Variants in TNFRSF25 observed in about 807,000 individuals in gnomAD.
TNFRSF25 encodes tumor necrosis factor receptor superfamily member 25.
A neutral mutation model predicts 49.4 loss-of-function variants in TNFRSF25; 28 were observed. That is an observed-to-expected ratio of 0.57 (90% CI 0.42 to 0.78). The LOEUF is 0.78. Ranked by LOEUF, TNFRSF25 falls within the 30% of genes least tolerant of loss-of-function variation. The probability of loss-of-function intolerance (pLI) is 0.00; values close to 1 mark genes in which losing one functional copy is unlikely to be tolerated. For synonymous variants in TNFRSF25, 240 were observed against 234.2 expected (o/e 1.02, Z -0.23); for missense variants, 531 against 581.6 (o/e 0.91, Z 0.90).
intron 1 of TNFRSF25, 63 bp from the exon 2 acceptor site, chr1:6,465,623 T>G (rs1289616101): frequency 6.4e-7 from 1 of 1,562,892 alleles, no homozygotes; most frequent in Non-Finnish European, 8.7e-7. Flanking sequence ...CCCTGCTGCG[T>G]CTCCTCCATT....
At chr1:6,465,289 C>CCGGG in intron 2 of TNFRSF25, 67 bp from the exon 3 acceptor site, 1 of 1,558,388 alleles carries the variant, frequency 6.4e-7, no homozygotes, top group Non-Finnish European at 8.7e-7. Context: ...TGCTTCCCAC[C>CCGGG]CTGCCCTCCC....
At chr1:6,464,868 C>G in intron 3 of TNFRSF25, 149 bp from the exon 4 acceptor site, 1 of 1,249,076 alleles carries the variant, frequency 8.0e-7, no homozygotes, top group Non-Finnish European at 1.1e-6. Context: ...GAGAGAAGCT[C>G]AGAGATTAAG....
At chr1:6,465,802 T>G in intron 1 of TNFRSF25, 1 of 1,423,962 alleles carries the variant, frequency 7.0e-7, no homozygotes, top group Non-Finnish European at 9.1e-7. Flanking sequence ...AGAGCAGGAA[T>G]CCAGCAGCGC....
chr1:6,465,056 A>G, intron 3 of TNFRSF25, 32 bp downstream of exon 3: 2 of 1,597,860 alleles, frequency 1.3e-6, no homozygotes, highest in Non-Finnish European at 1.7e-6. Context: ...TGTCCTTAGG[A>G]ACTCCCTGCC....
chr1:6,464,163 G>A, intron 5 of TNFRSF25: 1 of 1,424,286 alleles, frequency 7.0e-7, no homozygotes, highest in Non-Finnish European at 9.2e-7. Context: ...TGAAAGTGAA[G>A]GCAAATACCC....
chr1:6,464,269 C>T, intron 5 of TNFRSF25, 106 bp downstream of exon 5: 1 of 1,533,080 alleles, frequency 6.5e-7, no homozygotes, highest in Non-Finnish European at 8.8e-7. Context: ...GCTCCCTCCT[C>T]CCTATCCCCT....
In TNFRSF25 at chr1:6,462,823, C is replaced by A; in HGVS notation, c.706+40G>T. ...GTAGACTCTGGGCTACCCATCCTGA[C>A]CCCAGGCTTCTGGGTGCGTGTGTGG... On this transcript the variant is annotated intron_variant, in intron 7 of 9. Transcript: ENST00000356876. The surrounding 1 kb of genome is among the most constrained non-coding windows in gnomAD (Gnocchi z 4.2). 1 of 1,579,030 alleles carries A rather than the reference C, an allele frequency of 6.3e-7. No individual in the cohort carries two copies. Among genetic ancestry groups the A allele is most frequent in the Non-Finnish European group, 8.6e-7 (1 of 1,160,546 alleles).
rs771462454 is a variant in TNFRSF25, at chr1:6,465,564, G to A, written c.40-4C>T. The A allele has an allele frequency of 2.0e-5, 32 of 1,611,596 alleles. No individual in the cohort carries two copies. Among genetic ancestry groups the A allele is most frequent in the Non-Finnish European group, 2.5e-5 (29 of 1,179,214 alleles). On this transcript the variant is annotated splice_polypyrimidine_tract_variant and splice_region_variant and intron_variant, in intron 1 of 9. Transcript: ENST00000356876. The stretch of plus-strand genomic sequence containing the variant: ...CCAGCAGCACCAGGAGGAGCGCCTG[G>A]GGGACAGGTGCTGCTGACTCTCAGC...
intron 3 of TNFRSF25, 89 bp downstream of exon 3, chr1:6,464,999 C>T: frequency 6.5e-7 from 1 of 1,538,322 alleles, no homozygotes; most frequent in Non-Finnish European, 8.8e-7. Flanking sequence ...GCAGGACCCT[C>T]ACACCCCAAG....
intron 4 of TNFRSF25, 46 bp downstream of exon 4, chr1:6,464,506 G>T: frequency 6.2e-7 from 1 of 1,613,058 alleles, no homozygotes; most frequent in Non-Finnish European, 8.5e-7. Context: ...GGTCAGGCAG[G>T]GAGAAGGGGG....
Position 6,466,073 on chromosome 1 carries a change from G to A in TNFRSF25, c.35C>T (p.Ala12Val). The A allele has an allele frequency of 3.8e-6, 6 of 1,577,764 alleles. No homozygotes were observed. Among genetic ancestry groups the A allele is most frequent in the Non-Finnish European group, 4.3e-6 (5 of 1,164,576 alleles). ...GCCTCCTGCGTCTCAACTCACCGCC[G>A]CCACCGCCGCGCAGCCCCGCGGCCG... ...EQRPRGCAAVAAALLLVLLGA... is the reference protein window; with the variant it reads ...EQRPRGCAAVVAALLLVLLGA... The change falls in exon 1 of 10, where the codon GCG becomes GTG. Residue 12 changes from alanine to valine, a missense_variant. Transcript: ENST00000356876.
rs767440253 is a variant in TNFRSF25, at chr1:6,462,911, GGGT to G, written c.655_657del (p.Thr219del). Reference sequence around the variant, plus strand: ...CAGCAGTGGCGGTATGTGTAGGTCAGGGTGGCCCCAAGCAGGAGGGGGACCACA... The same window carrying G: ...CAGCAGTGGCGGTATGTGTAGGTCAGGGCCCCAAGCAGGAGGGGGACCACA... On this transcript the variant is annotated inframe_deletion, in exon 7 of 10. Coordinates refer to ENST00000356876, the MANE Select transcript of TNFRSF25 (RefSeq NM_003790.3). This position sits in a 1 kb window ranked among gnomAD's most constrained non-coding sequence, Gnocchi z 4.2. 1.2e-6 allele frequency: 2 copies of G among 1,603,560 alleles called. No individual in the cohort carries two copies.
Position 6,461,375 on chromosome 1 carries a change from C to T in TNFRSF25, c.*59G>A. 1 of 1,465,538 alleles carries T rather than the reference C, an allele frequency of 6.8e-7. No homozygotes were observed. Among genetic ancestry groups the T allele is most frequent in the South Asian group, 1.4e-5 (1 of 70,978 alleles). 90.8% of individuals were successfully genotyped at this position (1,465,538 alleles called of 1,614,324 possible). On this transcript the variant is annotated 3_prime_UTR_variant, in exon 10 of 10. Transcript: ENST00000356876. This position sits in a 1 kb window ranked among gnomAD's most constrained non-coding sequence, Gnocchi z 6.3. The stretch of plus-strand genomic sequence containing the variant: ...ATAAAATGTCTACACGCATAAGTAA[C>T]CGTACTTAGGGCTTCTGCAAGGGCC...
rs1644171862 is a variant in TNFRSF25, at chr1:6,461,560, G to A, written c.1128C>T (p.Tyr376=). 1.9e-6 allele frequency: 3 copies of A among 1,610,092 alleles called. No individual in the cohort carries two copies. Among genetic ancestry groups the A allele is most frequent in the South Asian group, 2.2e-5 (2 of 90,982 alleles). The change falls in exon 10 of 10, where the codon TAC becomes TAT. Residue 376 remains tyrosine (Y), a synonymous_variant. Coordinates refer to ENST00000356876, the MANE Select transcript of TNFRSF25 (RefSeq NM_003790.3). The surrounding 1 kb of genome is among the most constrained non-coding windows in gnomAD (Gnocchi z 6.3). ...VEIGRFRDQQ[Y]EMLKRWRQQQ... ...GCTGGCGCCAGCGCTTGAGCATCTC[G>A]TACTGCTGGTCTCGGAAGCGGCCGA...
At position 6,461,478 on chromosome 1, in the gene TNFRSF25, C is replaced by G; in HGVS notation, c.1210G>C (p.Gly404Arg). ...CGGCTGCGCAAGTCTTCCACGCAGC[C>G]GTCCAGCCCCATGCGCTCCAGGGCC... is the stretch of plus-strand genomic sequence containing the variant. ...YAALERMGLD[G>R]CVEDLRSRLQ... Residue 404 changes from glycine (G) to arginine (R), a missense_variant, in exon 10 of 10, where the codon GGC (glycine) becomes CGC (arginine). Coordinates refer to ENST00000356876, the MANE Select transcript of TNFRSF25 (RefSeq NM_003790.3). This position sits in a 1 kb window ranked among gnomAD's most constrained non-coding sequence, Gnocchi z 6.3. The G allele has an allele frequency of 1.9e-6, 3 of 1,561,938 alleles. No individual in the cohort carries two copies. Among genetic ancestry groups the G allele is most frequent in the South Asian group, 1.2e-5 (1 of 86,874 alleles).
rs953452199 is a variant in TNFRSF25, at chr1:6,461,518, G to A, written c.1170C>T (p.Leu390=). The change falls in exon 10 of 10, where the codon CTC becomes CTT. Residue 390 remains leucine (L), a synonymous_variant. Coordinates refer to ENST00000356876, the MANE Select transcript of TNFRSF25 (RefSeq NM_003790.3). The surrounding 1 kb of genome is among the most constrained non-coding windows in gnomAD (Gnocchi z 6.3). The part of the protein sequence containing the change: ...KRWRQQQPAG[L]GAVYAALERM... ...GCTCCAGGGCCGCGTAAACGGCTCC[G>A]AGGCCCGCGGGCTGCTGCTGGCGCC... 2.5e-6 allele frequency: 4 copies of A among 1,602,590 alleles called. No homozygotes were observed. Among genetic ancestry groups the A allele is most frequent in the South Asian group, 1.1e-5 (1 of 90,306 alleles).
At position 6,465,532 on chromosome 1, in the gene TNFRSF25, C is replaced by CG; in HGVS notation, c.67dup (p.Arg23ProfsTer8). ...GGGGCTACGAGTGCCGCCCTGGGCC[C>CG]GGGCCCCCAGCAGCACCAGGAGGAG... On this transcript the variant is annotated frameshift_variant, in exon 2 of 10. Coordinates refer to ENST00000356876, the MANE Select transcript of TNFRSF25 (RefSeq NM_003790.3). LOFTEE classifies it high-confidence loss of function. 1 of 1,613,456 alleles carries CG rather than the reference C, an allele frequency of 6.2e-7. No individual in the cohort carries two copies. Among genetic ancestry groups the CG allele is most frequent in the Non-Finnish European group, 8.5e-7 (1 of 1,179,904 alleles).
At position 6,461,696 on chromosome 1, in the gene TNFRSF25, G is replaced by C; in HGVS notation, c.992C>G (p.Pro331Arg). ...PAGSPAMMLQ[P>R]GPQLYDVMDA... ...CATCACGTCGTAGAGCTGCGGGCCC[G>C]GCTGCAGCATCATGGCTGGCGAGCC... Residue 331 changes from proline to arginine, a missense_variant, in exon 10 of 10, where the codon CCG (proline) becomes CGG (arginine). Transcript: ENST00000356876. The surrounding 1 kb of genome is among the most constrained non-coding windows in gnomAD (Gnocchi z 6.3). The C allele has an allele frequency of 2.5e-6, 4 of 1,575,880 alleles. No individual in the cohort carries two copies. Among genetic ancestry groups the C allele is most frequent in the Non-Finnish European group, 3.4e-6 (4 of 1,167,396 alleles).
Position 6,462,889 on chromosome 1 carries a change from C to G in TNFRSF25, c.680G>C (p.Cys227Ser), listed in dbSNP as rs750422619. The G allele has an allele frequency of 5.6e-6, 9 of 1,608,122 alleles. No individual in the cohort carries two copies. Among genetic ancestry groups the G allele is most frequent in the Non-Finnish European group, 7.6e-6 (9 of 1,177,374 alleles). The stretch of plus-strand genomic sequence containing the variant: ...AGTAACCAGGGGCTTGTGAGGCCAG[C>G]AGTGGCGGTATGTGTAGGTCAGGGT... The part of the protein sequence containing the change: ...GATLTYTYRH[C>S]WPHKPLVTAD... Residue 227 changes from cysteine (C) to serine (S), a missense_variant, in exon 7 of 10, where the codon TGC becomes TCC. By Grantham distance (112) the Cys-to-Ser change is moderately radical. Coordinates refer to ENST00000356876, the MANE Select transcript of TNFRSF25 (RefSeq NM_003790.3). This position sits in a 1 kb window ranked among gnomAD's most constrained non-coding sequence, Gnocchi z 4.2.
Sources: gnomAD v4.1 joint callset for allele counts on GRCh38, gnomAD v4.1.1 for gene constraint, Gnocchi (gnomAD v3.1) non-coding constraint, MANE v1.5 for transcripts, NCBI Gene and HGNC (gene_info 2026-07-23, HGNC 2026-07-21) for gene names.